The following UROC1 variants were observed in gnomAD, a reference collection of about 807,000 sequenced individuals.
UROC1 encodes the protein urocanate hydratase.
Under a neutral mutation model 89.5 loss-of-function variants are expected in UROC1, and 79 were observed. The observed-to-expected ratio is 0.88, with a 90% CI of 0.74 to 1.06. The LOEUF is 1.06. UROC1 is among the 50% of genes least tolerant of loss of function. The probability of loss-of-function intolerance (pLI) is 0.00; values close to 1 mark genes in which losing one functional copy is unlikely to be tolerated. For synonymous variants in UROC1, 361 were observed against 354.8 expected (o/e 1.02, Z -0.20); for missense variants, 885 against 907.8 (o/e 0.97, Z 0.32).
chr3:126,510,688 C>A lies in UROC1; in HGVS notation c.233G>T (p.Arg78Leu), dbSNP rs140107683. ...CCTCATTTCAATGTCGGGGCAAAACCGGTACATGTAGATGTGTCCGTACAG... is the reference window on the plus strand; with the variant it reads ...CCTCATTTCAATGTCGGGGCAAAACAGGTACATGTAGATGTGTCCGTACAG... ...LQLYGHIYMY[R>L]FCPDIEMRAY... Residue 78 changes from arginine (R) to leucine (L), a missense_variant, in exon 2 of 20, where the codon CGG becomes CTG. Arg to Leu is a moderately radical substitution (Grantham distance 102). Transcript: ENST00000290868. 6.2e-7 allele frequency: 1 copy of A among 1,614,042 alleles called. No individual in the cohort carries two copies. Among genetic ancestry groups the A allele is most frequent in the Non-Finnish European group, 8.5e-7 (1 of 1,180,050 alleles).
At chr3:126,490,440 A>C (rs922810756) in intron 16 of UROC1, among the ~76,000 whole-genome samples, 6 of 152,150 alleles carry the variant, frequency 3.9e-5, no homozygotes, top group Non-Finnish European at 7.3e-5. Flanking sequence ...TAATCGTAAC[A>C]CTTCGGGAGG....
intron 16 of UROC1, 112 bp downstream of exon 16, chr3:126,492,306 C>T: frequency 9.4e-7 from 1 of 1,062,638 alleles, no homozygotes; most frequent in Non-Finnish European, 1.4e-6. Context: ...GGGGTGTCTC[C>T]CCACCCAGAA....
intron 1 of UROC1, among the ~76,000 whole-genome samples, chr3:126,511,807 AT>A (rs969261385): frequency 6.6e-6 from 1 of 152,036 alleles, no homozygotes; most frequent in Non-Finnish European, 1.5e-5. Flanking sequence ...TGTCTGCCAC[AT>A]TTTCCCCTTG....
chr3:126,510,578 C>T (rs1936169431), intron 2 of UROC1, 86 bp downstream of exon 2: 3 of 1,578,616 alleles, frequency 1.9e-6, no homozygotes, highest in Non-Finnish European at 2.6e-6. Context: ...CTGCCGACTC[C>T]CTCCTTGTTC....
chr3:126,496,111 G>T lies in UROC1; in HGVS notation c.1439-3C>A, dbSNP rs781337191. The T allele has an allele frequency of 1.2e-6, 2 of 1,612,560 alleles. No homozygotes were observed. Among genetic ancestry groups the T allele is most frequent in the Non-Finnish European group, 1.7e-6 (2 of 1,179,698 alleles). ...CTGCAGCTTCACAGACACCTTCACTGCAGGAGAGAGGACAGCAGGCGTCAG... is the reference window on the plus strand; with the variant it reads ...CTGCAGCTTCACAGACACCTTCACTTCAGGAGAGAGGACAGCAGGCGTCAG... On this transcript the variant is annotated splice_region_variant and splice_polypyrimidine_tract_variant and intron_variant, in intron 14 of 19. Transcript: ENST00000290868.
At chr3:126,505,213 C>T (rs916280187) in intron 8 of UROC1, among the ~76,000 whole-genome samples, 41 of 152,148 alleles carry the variant, frequency 2.7e-4, no homozygotes, top group Admixed American at 2.6e-3. Context: ...ATAAATTAGC[C>T]TCAGGTGTTC....
At position 126,500,806 on chromosome 3, in the gene UROC1, G is replaced by T. The variant is rs768138785; in HGVS notation, c.1034C>A (p.Ser345Tyr). The T allele has an allele frequency of 9.9e-6, 16 of 1,614,058 alleles. No homozygotes were observed. Among genetic ancestry groups the T allele is most frequent in the Middle Eastern group, 3.3e-4 (2 of 6,062 alleles). The stretch of plus-strand genomic sequence containing the variant: ...GCCGCCATTGAACGGGTTGTGGCAG[G>T]ATGTCTGATCTGACCCCAGGTCCAC... Reference protein sequence around the residue: ...CLVDLGSDQTSCHNPFNGGYY... With the variant: ...CLVDLGSDQTYCHNPFNGGYY... Residue 345 changes from serine to tyrosine, a missense_variant, in exon 11 of 20, where the codon TCC becomes TAC. Transcript: ENST00000290868.
Position 126,508,673 on chromosome 3 carries a change from CAG to C in UROC1, c.352-200_352-199del, listed in dbSNP as rs573835914. Among the ~76,000 whole-genome samples the C allele has an allele frequency of 7.2e-3, 1,093 of 152,268 alleles. 11 individuals carry two copies. Among genetic ancestry groups the C allele is most frequent in the Non-Finnish European group, 0.01 (690 of 68,010 alleles). On this transcript the variant is annotated intron_variant, in intron 3 of 19. Transcript: ENST00000290868. ...CTGGAGCAAGGGTTCAGCTTGGGGT[CAG>C]GGGCAGATCTGGGTCTGGGGTCACT... is the stretch of plus-strand genomic sequence containing the variant.
In UROC1 at chr3:126,501,308, GC is replaced by G. The variant is rs1560122479; in HGVS notation, c.903-29del. ...GGAAGGACACAAAAGCAGAACAGGT[GC>G]CCCCTGCACCTGTGCATAGGTGCCC... On this transcript the variant is annotated intron_variant, in intron 9 of 19. Coordinates refer to ENST00000290868, the MANE Select transcript of UROC1 (RefSeq NM_144639.3). 1 of 1,613,464 alleles carries G rather than the reference GC, an allele frequency of 6.2e-7. No homozygotes were observed. Among genetic ancestry groups the G allele is most frequent in the Admixed American group, 1.7e-5 (1 of 59,980 alleles).
At chr3:126,497,903 C>G in intron 14 of UROC1, 148 bp downstream of exon 14, 1 of 1,385,136 alleles carries the variant, frequency 7.2e-7, no homozygotes. Flanking sequence ...GTGTTGCCAG[C>G]TGAGCACCCA....
rs377548715 is a variant in UROC1 at position 126,505,727 on chromosome 3, C to G, written c.787G>C (p.Val263Leu). ...TCTGCTATCACACCGATGCACCCCA[C>G]GATGACTGCGGCCTTGGCCTGAGCC... Reference protein sequence around the residue: ...SGAQAKAAVIVGCIGVIAEVD... With the variant: ...SGAQAKAAVILGCIGVIAEVD... Residue 263 changes from valine to leucine, a missense_variant, in exon 8 of 20, where the codon GTG becomes CTG. Physicochemically the swap from Val to Leu is conservative, Grantham distance 32. Transcript: ENST00000290868. 3.0e-5 allele frequency: 48 copies of G among 1,613,734 alleles called. 1 individual carries two copies. Among genetic ancestry groups the G allele is most frequent in the Non-Finnish European group, 4.1e-5 (48 of 1,180,018 alleles).
intron 14 of UROC1, among the ~76,000 whole-genome samples, chr3:126,497,675 C>T (rs1255363247): frequency 1.3e-5 from 2 of 152,202 alleles, no homozygotes; most frequent in African/African-American, 2.4e-5. Flanking sequence ...AGCCTGGCCC[C>T]GGCCACTGCT....
rs1935971085 is a variant in UROC1, at chr3:126,502,911, TATGTATGTGC to T, written c.902+1074_902+1083del. The stretch of plus-strand genomic sequence containing the variant: ...GCATGTGTGTGCTGCATTCTCTGTG[TATGTATGTGC>T]ATGTGTGTGTTGTGTGTTTATGTGT... On this transcript the variant is annotated intron_variant, in intron 9 of 19. Transcript: ENST00000290868. Among the ~76,000 whole-genome samples, 9 of 152,030 alleles carry T rather than the reference TATGTATGTGC, an allele frequency of 5.9e-5. No individual in the cohort carries two copies. The South Asian group carries it at 1.9e-3, about 32-fold the overall frequency.
chr3:126,491,019 C>T (rs1045820476), intron 16 of UROC1, among the ~76,000 whole-genome samples: 8 of 152,280 alleles, frequency 5.3e-5, no homozygotes, highest in South Asian at 2.1e-4. Flanking sequence ...GAAGATGCAT[C>T]CTGACAAAAG....
intron 9 of UROC1, among the ~76,000 whole-genome samples, chr3:126,503,562 C>G (rs937346075): frequency 5.3e-5 from 8 of 152,228 alleles, no homozygotes; most frequent in Non-Finnish European, 8.8e-5. Context: ...CTCACAGGCT[C>G]GCCACTGCAA....
intron 6 of UROC1, among the ~76,000 whole-genome samples, chr3:126,506,603 C>G (rs576346644): frequency 6.6e-6 from 1 of 152,310 alleles, no homozygotes; most frequent in South Asian, 2.1e-4. Context: ...TCTCCTAGCT[C>G]TCTTGTGAAG....
chr3:126,483,418 TC>T lies in UROC1; in HGVS notation c.1840del (p.Glu614ArgfsTer8), dbSNP rs1265879623. ...CATCAGCCTGGCTCTCCCCTCGGCC[TC>T]CGGGGTACCGTCCAGCACGAGGCCG... is the stretch of plus-strand genomic sequence containing the variant. ...GFGLVLDGTP[E>X]AEGRARLMLS... is the part of the protein sequence containing the mutation. On this transcript the variant is annotated frameshift_variant, in exon 19 of 20. Transcript: ENST00000290868. LOFTEE classifies it high-confidence loss of function. 6.2e-7 allele frequency: 1 copy of T among 1,613,802 alleles called. No individual in the cohort carries two copies. Among genetic ancestry groups the T allele is most frequent in the Non-Finnish European group, 8.5e-7 (1 of 1,180,056 alleles).
intron 13 of UROC1, 34 bp from the exon 14 acceptor site, chr3:126,498,206 G>A (rs578004888): frequency 4.3e-5 from 69 of 1,613,428 alleles, no homozygotes; most frequent in Middle Eastern, 1.7e-4. Flanking sequence ...CCCTGGGCCC[G>A]CTGGCTTGTT....
chr3:126,491,674 A>G (rs1935657400), intron 16 of UROC1, among the ~76,000 whole-genome samples: 1 of 152,206 alleles, frequency 6.6e-6, no homozygotes, highest in Non-Finnish European at 1.5e-5. Context: ...CGCCCGCAAG[A>G]ACTCTGTGGC....
Sources: allele counts gnomAD v4.1 joint callset (sites outside exome capture counted in the v4.1 genomes callset), GRCh38; gene constraint gnomAD v4.1.1; transcripts MANE v1.5; gene names NCBI Gene and HGNC (gene_info 2026-07-23, HGNC 2026-07-21).